ITFG2: variants seen among roughly 807,000 people sequenced by gnomAD.
ITFG2 encodes integrin alpha FG-GAP repeat containing 2, also known as KICSTOR complex protein ITFG2.
A neutral mutation model predicts 54.4 loss-of-function variants in ITFG2; 36 were observed. That is an observed-to-expected ratio of 0.66 (90% CI 0.51 to 0.87). ITFG2 has a LOEUF of 0.87. Among genes scored for constraint, ITFG2 ranks in the 40% least tolerant of loss-of-function variants. The pLI, the probability that ITFG2 is intolerant of heterozygous loss-of-function variation, is 0.00. For synonymous variants in ITFG2, 211 were observed against 225.4 expected, an observed-to-expected ratio of 0.94 and a Z score of 0.57; for missense variants, 524 against 576.7, an observed-to-expected ratio of 0.91 and a Z score of 0.94.
At chr12:2,824,024 G>A (rs978173368) in intron 11 of ITFG2, 66 bp from the exon 12 acceptor site, 2 of 1,613,412 alleles carry the variant, frequency 1.2e-6, no homozygotes, top group African/African-American at 2.7e-5. Context: ...GTGAGTCCCA[G>A]AAAAGCCAGT....
chr12:2,858,298 AT>A (rs1431277178), exon 3 of ITFG2: 1 of 252,296 alleles, frequency 4.0e-6, no homozygotes, highest in Non-Finnish European at 7.6e-6. Context: ...AATTTATACT[AT>A]TTACACGGAC....
At chr12:2,848,684 G>A (rs114657416) in intron 2 of ITFG2, among the ~76,000 whole-genome samples, 164 of 152,270 alleles carry the variant, frequency 1.1e-3, no homozygotes, top group African/African-American at 3.8e-3. Context: ...ACCAAGCACA[G>A]CTGTGTCTGG....
intron 2 of ITFG2, among the ~76,000 whole-genome samples, chr12:2,851,671 TA>T (rs142127115): frequency 0.02 from 3,078 of 151,832 alleles, 104 homozygotes; most frequent in African/African-American, 0.07. Flanking sequence ...TAATTTTATT[TA>T]TTTTTTTTAT....
downstream of ITFG2, among the ~76,000 whole-genome samples, chr12:2,829,731 C>G (rs1348903150): frequency 6.6e-6 from 1 of 152,030 alleles, no homozygotes; most frequent in Non-Finnish European, 1.5e-5. Context: ...CATGCCACTA[C>G]ACTCCAGCCT....
Position 2,830,604 on chromosome 12 carries a change from T to C in ITFG2, c.*60-230T>C, listed in dbSNP as rs1428095789. ...CCAGGCTAGGGAGAGAGGTGCCCTT[T>C]CTCCCTCCCTCCCTCTCCCATCAGG... On this transcript the variant is annotated intron_variant and NMD_transcript_variant, in intron 2 of 2. Transcript: ENST00000538822. 3.2e-5 allele frequency: 41 copies of C among 1,273,034 alleles called. No individual in the cohort carries two copies. In the East Asian group the frequency reaches 6.3e-4, roughly 19 times the overall value. The allele number at this position is 1,273,034 out of a possible 1,614,324, so 78.9% of individuals were successfully genotyped here. A position where few individuals can be genotyped will look rare whatever the true frequency, so the allele number is the denominator to read the frequency against.
At chr12:2,820,022 G>A in intron 4 of ITFG2, 64 bp from the exon 5 acceptor site, 1 of 1,543,720 alleles carries the variant, frequency 6.5e-7, no homozygotes, top group Non-Finnish European at 8.7e-7. Context: ...AGGTGCCACT[G>A]TTAGCAGAGG....
intron 2 of ITFG2, among the ~76,000 whole-genome samples, chr12:2,842,591 G>T (rs1264571355): frequency 1.3e-5 from 2 of 152,068 alleles, no homozygotes; most frequent in Non-Finnish European, 2.9e-5. Flanking sequence ...ATTCAGCCAG[G>T]CATAGTGACA....
chr12:2,821,233 C>T (rs947475126), intron 6 of ITFG2, 29 bp from the exon 7 acceptor site: 8 of 1,560,826 alleles, frequency 5.1e-6, no homozygotes, highest in East Asian at 2.3e-5. Flanking sequence ...CTTGGTCTCC[C>T]GCTTGATCCG....
At chr12:2,829,971 G>C (rs1228323010), downstream of ITFG2, among the ~76,000 whole-genome samples, 1 of 151,736 alleles carries the variant, frequency 6.6e-6, no homozygotes, top group South Asian at 2.1e-4. Context: ...CAGCTACTTA[G>C]GAGGCTGAGG....
chr12:2,819,747 A>G (rs1245668193), intron 4 of ITFG2: 1 of 193,130 alleles, frequency 5.2e-6, no homozygotes, highest in Non-Finnish European at 1.1e-5. Context: ...CTGAGAAGGT[A>G]ACATTTGGTG....
intron 2 of ITFG2, among the ~76,000 whole-genome samples, chr12:2,850,915 G>A (rs899622941): frequency 4.7e-5 from 7 of 149,792 alleles, no homozygotes; most frequent in South Asian, 2.1e-4. Context: ...CAAGTGATTC[G>A]CCCGCCTTGG....
chr12:2,818,182 C>T lies in ITFG2; in HGVS notation c.311C>T (p.Ser104Phe). 6.2e-7 allele frequency: 1 copy of T among 1,614,174 alleles called. No individual in the cohort carries two copies. The highest frequency in any genetic ancestry group is 8.5e-7 in the Non-Finnish European group (1 of 1,180,046). ...ACACCTGCCAAGGTGTTGGATGCTTCTGGGCACCACGAGACACTAATCGGA... is the reference window on the plus strand; with the variant it reads ...ACACCTGCCAAGGTGTTGGATGCTTTTGGGCACCACGAGACACTAATCGGA... ...DLTPAKVLDA[S>F]GHHETLIGEE... Residue 104 changes from serine (S) to phenylalanine (F), a missense_variant, in exon 4 of 12, where the codon TCT becomes TTT. Coordinates refer to ENST00000228799, the MANE Select transcript of ITFG2 (RefSeq NM_018463.4).
At chr12:2,819,865 T>G in intron 4 of ITFG2, 1 of 413,186 alleles carries the variant, frequency 2.4e-6, no homozygotes, top group Non-Finnish European at 4.2e-6. Context: ...GTTTGAGAAG[T>G]AATATGAAGG....
At chr12:2,832,615 T>A (rs1412144825), upstream of ITFG2, among the ~76,000 whole-genome samples, 2 of 151,862 alleles carry the variant, frequency 1.3e-5, no homozygotes, top group African/African-American at 4.8e-5. Context: ...CACGCCAAGC[T>A]GGGGTCCCTT....
intron 1 of ITFG2, among the ~76,000 whole-genome samples, chr12:2,840,215 G>A (rs1436612539): frequency 6.6e-6 from 1 of 152,086 alleles, no homozygotes; most frequent in Non-Finnish European, 1.5e-5. Context: ...TTGGGAGGCC[G>A]AGGTGGGTGG....
chr12:2,816,823 G>C (rs1186503075), intron 1 of ITFG2, among the ~76,000 whole-genome samples: 1 of 150,890 alleles, frequency 6.6e-6, no homozygotes, highest in Non-Finnish European at 1.5e-5. Flanking sequence ...TGTATTTTTT[G>C]TAGAGACAAG....
At chr12:2,812,971 G>C (rs1603482127) in intron 1 of ITFG2, 115 bp downstream of exon 1, 1 of 846,714 alleles carries the variant, frequency 1.2e-6, no homozygotes, top group Admixed American at 1.9e-5. Flanking sequence ...GCTGTGGCTA[G>C]TTTGGAGCGC....
intron 2 of ITFG2, chr12:2,817,548 A>G (rs981521185): frequency 4.4e-5 from 24 of 548,048 alleles, no homozygotes; most frequent in African/African-American, 4.3e-4. Context: ...GTCGTGGAGT[A>G]CTCCTTGACA....
At chr12:2,858,426 C>T in intron 3 of ITFG2, 1 of 536,090 alleles carries the variant, frequency 1.9e-6, no homozygotes, top group Non-Finnish European at 3.3e-6. Context: ...CAGCTCCTGG[C>T]AGGGACAGCA....
Sources: allele counts gnomAD v4.1 joint callset (sites outside exome capture counted in the v4.1 genomes callset), GRCh38; gene constraint gnomAD v4.1.1; transcripts MANE v1.5; gene names NCBI Gene and HGNC (gene_info 2026-07-23, HGNC 2026-07-21).